KCNQ3: variants seen among roughly 807,000 people sequenced by gnomAD.
The protein encoded by KCNQ3 is potassium voltage-gated channel subfamily Q member 3.
In KCNQ3, 30 loss-of-function variants were observed where a neutral mutation model predicts 92.5. The ratio of observed to expected loss-of-function variants is 0.32; its 90% CI spans 0.24 to 0.44. The LOEUF is 0.44. Ranked by LOEUF, KCNQ3 falls within the 20% of genes least tolerant of loss-of-function variation. KCNQ3 has a pLI of 1.00. For synonymous variants in KCNQ3, 450 were observed against 468.8 expected, an observed-to-expected ratio of 0.96 and a Z score of 0.52; for missense variants, 913 against 1,140.3, an observed-to-expected ratio of 0.80 and a Z score of 2.87.
intron 1 of KCNQ3, among the ~76,000 whole-genome samples, chr8:132,273,419 G>C (rs1396268323): frequency 6.6e-6 from 1 of 152,294 alleles, no homozygotes; most frequent in Non-Finnish European, 1.5e-5. Context: ...AAGTCCTTAG[G>C]CTGCACACAG....
chr8:132,183,291 T>C (rs1826852936), intron 3 of KCNQ3, among the ~76,000 whole-genome samples: 1 of 152,118 alleles, frequency 6.6e-6, no homozygotes, highest in Non-Finnish European at 1.5e-5. Context: ...GGGAATAACA[T>C]GTCTAGACTC....
At chr8:132,371,949 T>C (rs1225190880) in intron 1 of KCNQ3, among the ~76,000 whole-genome samples, 3 of 152,134 alleles carry the variant, frequency 2.0e-5, no homozygotes, top group Non-Finnish European at 2.9e-5. Flanking sequence ...GGGGGATTTG[T>C]AGCAATTTAA....
chr8:132,138,294 G>A (rs138480846), intron 11 of KCNQ3, among the ~76,000 whole-genome samples: 166 of 152,314 alleles, frequency 1.1e-3, no homozygotes, highest in African/African-American at 3.8e-3. Flanking sequence ...GCCAGACCAT[G>A]AGCTTAATTA....
Position 132,392,679 on chromosome 8 carries a change from T to C in KCNQ3, c.386+87468A>G, listed in dbSNP as rs1351034141. Among the ~76,000 whole-genome samples, 3 of 150,002 alleles carry C rather than the reference T, an allele frequency of 2.0e-5. No homozygotes were observed. In the Admixed American group the frequency reaches 2.0e-4, roughly 10 times the overall value. On this transcript the variant is annotated intron_variant, in intron 1 of 14. Transcript: ENST00000388996. ...AGCTGGGCATGGTGGCACACATCTG[T>C]AATCCCAGCTACTCAGGAGGCTGAG...
rs920431357 is a variant in KCNQ3 at position 132,238,194 on chromosome 8, A to G, written c.387-52013T>C. Among the ~76,000 whole-genome samples, 16 of 152,146 alleles carry G rather than the reference A, an allele frequency of 1.1e-4. No homozygotes were observed. The East Asian group carries it at 2.3e-3, about 22-fold the overall frequency. On this transcript the variant is annotated intron_variant, in intron 1 of 14. Transcript: ENST00000388996. ...GGGAAGCTAAGAACAGACTCGGCGG[A>G]GGGGGTATGCTTGCAGCTGCAGGAA...
chr8:132,136,146 A>AAAAAG (rs1563765951), intron 12 of KCNQ3, among the ~76,000 whole-genome samples: 1 of 137,012 alleles, frequency 7.3e-6, no homozygotes, highest in African/African-American at 2.6e-5. Flanking sequence ...AAAAAAAAAA[A>AAAAAG]GAAAAGAGAA....
intron 1 of KCNQ3, among the ~76,000 whole-genome samples, chr8:132,248,313 T>C (rs1470314705): frequency 7.0e-6 from 1 of 143,462 alleles, no homozygotes; most frequent in Admixed American, 7.3e-5. Context: ...AGCTGATCCA[T>C]GGACCTTTTT....
At chr8:132,244,416 A>G (rs1815094620) in intron 1 of KCNQ3, among the ~76,000 whole-genome samples, 1 of 152,000 alleles carries the variant, frequency 6.6e-6, no homozygotes, top group Non-Finnish European at 1.5e-5. Flanking sequence ...AAGAGAAAAG[A>G]AGGAAGGAAG....
chr8:132,304,252 T>C (rs1817347809), intron 1 of KCNQ3, among the ~76,000 whole-genome samples: 1 of 152,156 alleles, frequency 6.6e-6, no homozygotes, highest in Non-Finnish European at 1.5e-5. Context: ...CACCACTATG[T>C]AATACATCCA....
chr8:132,432,653 G>A (rs1035174869), intron 1 of KCNQ3, among the ~76,000 whole-genome samples: 13 of 152,060 alleles, frequency 8.5e-5, no homozygotes, highest in African/African-American at 2.9e-4. Context: ...TCCCTACTCT[G>A]TTAACAGGAC....
At chr8:132,449,752 A>G (rs1821778091) in intron 1 of KCNQ3, among the ~76,000 whole-genome samples, 1 of 152,086 alleles carries the variant, frequency 6.6e-6, no homozygotes, top group Non-Finnish European at 1.5e-5. Context: ...TTGGTGGGAG[A>G]GCTGGGGGCT....
At chr8:132,247,197 T>C (rs897108900) in intron 1 of KCNQ3, among the ~76,000 whole-genome samples, 2 of 152,232 alleles carry the variant, frequency 1.3e-5, no homozygotes, top group African/African-American at 2.4e-5. Context: ...ACTTTCTCCA[T>C]GAACTCCAAC....
intron 1 of KCNQ3, among the ~76,000 whole-genome samples, chr8:132,259,516 T>C (rs1815702803): frequency 6.6e-6 from 1 of 152,094 alleles, no homozygotes; most frequent in Non-Finnish European, 1.5e-5. Flanking sequence ...ATAAAAGATA[T>C]CTATTAAAAA....
At chr8:132,403,815 G>T (rs909926232) in intron 1 of KCNQ3, among the ~76,000 whole-genome samples, 1 of 152,172 alleles carries the variant, frequency 6.6e-6, no homozygotes, top group Non-Finnish European at 1.5e-5. Context: ...ATCTGTCTTT[G>T]TCACTAGTCT....
chr8:132,452,421 A>G (rs1563917239), intron 1 of KCNQ3, among the ~76,000 whole-genome samples: 1 of 152,146 alleles, frequency 6.6e-6, no homozygotes, highest in Non-Finnish European at 1.5e-5. Context: ...AAGTGTCAGA[A>G]ATGCTTTCAT....
At chr8:132,367,935 CA>C (rs1269164555) in intron 1 of KCNQ3, among the ~76,000 whole-genome samples, 1 of 152,096 alleles carries the variant, frequency 6.6e-6, no homozygotes, top group African/African-American at 2.4e-5. Flanking sequence ...TACTCACTGA[CA>C]AATATTTTGA....
intron 9 of KCNQ3, among the ~76,000 whole-genome samples, chr8:132,153,699 A>G (rs1048674541): frequency 3.6e-4 from 55 of 151,554 alleles, no homozygotes; most frequent in African/African-American, 1.3e-3. Context: ...GAAAGAGGGC[A>G]TATGTGGGTA....
At chr8:132,180,351 G>A (rs763317797) in intron 3 of KCNQ3, 22 bp from the exon 4 acceptor site, 9 of 1,613,048 alleles carry the variant, frequency 5.6e-6, no homozygotes, top group South Asian at 3.3e-5. Flanking sequence ...GACAGACAGA[G>A]TGGGAGGGAA....
intron 1 of KCNQ3, among the ~76,000 whole-genome samples, chr8:132,240,901 C>G (rs10216966): frequency 1.6e-5 from 2 of 125,738 alleles, no homozygotes; most frequent in Non-Finnish European, 3.5e-5. Flanking sequence ...TTTTTTTTTT[C>G]TTTTTGAGAC....
Sources: gnomAD v4.1 joint callset for allele counts (sites outside exome capture counted in the v4.1 genomes callset) on GRCh38, gnomAD v4.1.1 for gene constraint, MANE v1.5 for transcripts, NCBI Gene and HGNC (gene_info 2026-07-23, HGNC 2026-07-21) for gene names.